Variants in SORCS2 observed in about 807,000 individuals in gnomAD.
SORCS2 encodes sortilin related VPS10 domain containing receptor 2, also known as VPS10 domain-containing receptor SorCS2.
A neutral mutation model predicts 141.6 loss-of-function variants in SORCS2; 100 were observed. That is an observed-to-expected ratio of 0.71 (90% confidence interval 0.60 to 0.83). SORCS2 has a LOEUF of 0.83. Among genes scored for constraint, SORCS2 ranks in the 40% least tolerant of loss-of-function variants. The pLI is 0.00. For missense variants in SORCS2, 1,646 were observed against 1,560.2 expected, an observed-to-expected ratio of 1.05 and a Z score of -0.93; for synonymous variants, 789 against 676.9, an observed-to-expected ratio of 1.17 and a Z score of -2.57.
At chr4:7,374,211 C>G (rs779799750) in intron 1 of SORCS2, among the ~76,000 whole-genome samples, 1 of 142,938 alleles carries the variant, frequency 7.0e-6, no homozygotes, top group Non-Finnish European at 1.5e-5. Context: ...TGCAGAGAGA[C>G]GTTCAATTGA....
chr4:7,405,559 C>G (rs1399838021), intron 2 of SORCS2, among the ~76,000 whole-genome samples: 2 of 152,008 alleles, frequency 1.3e-5, no homozygotes, highest in African/African-American at 4.8e-5. Flanking sequence ...AGAGATCTTT[C>G]ACTTCCTTGG....
intron 1 of SORCS2, among the ~76,000 whole-genome samples, chr4:7,370,692 C>G (rs1331774075): frequency 6.6e-6 from 1 of 152,204 alleles, no homozygotes; most frequent in African/African-American, 2.4e-5. Flanking sequence ...GCTGGTGTCC[C>G]CACGAGGCTC....
chr4:7,249,769 C>A (rs573354226), intron 1 of SORCS2, among the ~76,000 whole-genome samples: 1 of 152,154 alleles, frequency 6.6e-6, no homozygotes, highest in African/African-American at 2.4e-5. Context: ...TCCCCTCCTG[C>A]GGTATTGACA....
intron 14 of SORCS2, among the ~76,000 whole-genome samples, chr4:7,709,348 C>A (rs1725679383): frequency 6.6e-6 from 1 of 152,210 alleles, no homozygotes; most frequent in African/African-American, 2.4e-5. Context: ...AAGCCCTTCG[C>A]CCCGGCTGTC....
At chr4:7,269,652 G>A (rs1364114113) in intron 1 of SORCS2, among the ~76,000 whole-genome samples, 1 of 152,214 alleles carries the variant, frequency 6.6e-6, no homozygotes, top group African/African-American at 2.4e-5. Context: ...GCCAGTGATG[G>A]CTGGGAGCCG....
At chr4:7,638,884 C>T (rs1003316524) in intron 4 of SORCS2, among the ~76,000 whole-genome samples, 1 of 152,238 alleles carries the variant, frequency 6.6e-6, no homozygotes, top group Non-Finnish European at 1.5e-5. Flanking sequence ...CTAGGCCTTT[C>T]CCTCAGTGTG....
intron 1 of SORCS2, among the ~76,000 whole-genome samples, chr4:7,250,686 T>C (rs529284902): frequency 2.3e-4 from 35 of 152,078 alleles, no homozygotes; most frequent in Admixed American, 5.2e-4. Context: ...ATTCGGGGAG[T>C]GCGAGGTGTC....
At chr4:7,365,588 G>T (rs752166189) in intron 1 of SORCS2, among the ~76,000 whole-genome samples, 1 of 152,134 alleles carries the variant, frequency 6.6e-6, no homozygotes, top group Non-Finnish European at 1.5e-5. Flanking sequence ...GTAAAACAGA[G>T]ACACGTGGGG....
At chr4:7,342,667 C>T (rs1223544237) in intron 1 of SORCS2, among the ~76,000 whole-genome samples, 1 of 152,108 alleles carries the variant, frequency 6.6e-6, no homozygotes, top group Non-Finnish European at 1.5e-5. Flanking sequence ...GCAAAGCTTC[C>T]AGCAGCCCTC....
At chr4:7,272,590 TTC>T (rs1715216424) in intron 1 of SORCS2, among the ~76,000 whole-genome samples, 1 of 152,230 alleles carries the variant, frequency 6.6e-6, no homozygotes, top group African/African-American at 2.4e-5. Flanking sequence ...CCATGCAGGC[TTC>T]CTCAGAGGTG....
chr4:7,661,991 T>A (rs559574729), intron 6 of SORCS2, among the ~76,000 whole-genome samples: 39 of 152,170 alleles, frequency 2.6e-4, no homozygotes, highest in Non-Finnish European at 5.0e-4. Flanking sequence ...CACAGAGACA[T>A]CCTCTGTGCA....
At chr4:7,354,972 T>C (rs1479616778) in intron 1 of SORCS2, among the ~76,000 whole-genome samples, 1 of 152,232 alleles carries the variant, frequency 6.6e-6, no homozygotes, top group Non-Finnish European at 1.5e-5. Flanking sequence ...CAATCTCATC[T>C]TTTGTTTCCA....
chr4:7,740,473 G>A lies in SORCS2; in HGVS notation c.*209G>A. 1 of 581,706 alleles carries A rather than the reference G, an allele frequency of 1.7e-6. No homozygotes were observed. Among genetic ancestry groups the A allele is most frequent in the Non-Finnish European group, 3.1e-6 (1 of 324,496 alleles). 36.0% of individuals were successfully genotyped at this position (581,706 alleles called of 1,614,324 possible). A position where few individuals can be genotyped will look rare whatever the true frequency, so the allele number is the denominator to read the frequency against. On this transcript the variant is annotated 3_prime_UTR_variant, in exon 27 of 27. Coordinates refer to ENST00000507866, the MANE Select transcript of SORCS2 (RefSeq NM_020777.3). ...GGACCCCCCGGGACTCCCCGGACAT[G>A]GCCCTGCCCCTATGGGACACCAGGC... is the stretch of plus-strand genomic sequence containing the variant.
intron 1 of SORCS2, among the ~76,000 whole-genome samples, chr4:7,389,829 C>T (rs956919753): frequency 1.3e-5 from 2 of 152,226 alleles, no homozygotes; most frequent in South Asian, 4.1e-4. Context: ...GAGTGCAGTC[C>T]GCGGTAGTGA....
Position 7,386,272 on chromosome 4 carries a change from A to G in SORCS2, c.481-10016A>G, listed in dbSNP as rs574799015. 1.0e-4 allele frequency among the ~76,000 whole-genome samples: 7 copies of G among 69,138 alleles called. No homozygotes were observed. In the South Asian group the frequency reaches 2.2e-3, roughly 21 times the overall value. The allele number at this position is 69,138 out of a possible 152,430, so 45.4% of individuals were successfully genotyped here. On this transcript the variant is annotated intron_variant, in intron 1 of 26. Transcript: ENST00000507866. ...CACACACATACAGGTACACAGAGAT[A>G]CACACGCACATGCACACACATGCAC...
intron 5 of SORCS2, among the ~76,000 whole-genome samples, chr4:7,655,514 G>A (rs1721707856): frequency 6.6e-6 from 1 of 152,260 alleles, no homozygotes; most frequent in Non-Finnish European, 1.5e-5. Flanking sequence ...CGCTGACCGT[G>A]GCAGGAGACT....
rs572119633 is a variant in SORCS2 at position 7,676,921 on chromosome 4, TCC to T, written c.1341+694_1341+695del. ...CTCTCTCTCTCCCTCTCTCCCTCTC[TCC>T]CTCTCTCCCTCTCTCCCTCTCTCCC... is the stretch of plus-strand genomic sequence containing the variant. On this transcript the variant is annotated intron_variant, in intron 9 of 26. Coordinates refer to ENST00000507866, the MANE Select transcript of SORCS2 (RefSeq NM_020777.3). 5.3e-4 allele frequency among the ~76,000 whole-genome samples: 29 copies of T among 54,344 alleles called. 3 individuals are homozygous for T. Among genetic ancestry groups the T allele is most frequent in the East Asian group, 7.0e-4 (1 of 1,428 alleles). 35.7% of individuals were successfully genotyped at this position (54,344 alleles called of 152,430 possible). A position where few individuals can be genotyped will look rare whatever the true frequency, so the allele number is the denominator to read the frequency against.
intron 1 of SORCS2, among the ~76,000 whole-genome samples, chr4:7,392,188 G>C (rs1311850993): frequency 6.6e-6 from 1 of 152,224 alleles, no homozygotes. Context: ...CTCTCACTGG[G>C]CTAAGGAAGG....
chr4:7,689,072 T>A (rs1005244137), intron 10 of SORCS2, among the ~76,000 whole-genome samples: 36 of 152,130 alleles, frequency 2.4e-4, no homozygotes, highest in African/African-American at 8.7e-4. Flanking sequence ...AGGAATCACA[T>A]CCCATGGCCC....
Sources: gnomAD v4.1 joint callset for allele counts (sites outside exome capture counted in the v4.1 genomes callset) on GRCh38, gnomAD v4.1.1 for gene constraint, MANE v1.5 for transcripts, NCBI Gene and HGNC (gene_info 2026-07-23, HGNC 2026-07-21) for gene names.